DHRS4L2: variants seen among roughly 807,000 people sequenced by gnomAD.
DHRS4L2 encodes the protein dehydrogenase/reductase 4 like 2.
Under a neutral mutation model 23.9 loss-of-function variants are expected in DHRS4L2, and 22 were observed. The observed-to-expected ratio is 0.92, with a 90% CI of 0.66 to 1.31. The LOEUF is 1.31. Among genes scored for constraint, DHRS4L2 ranks in the 40% most tolerant of loss-of-function variants. The pLI is 0.00. For synonymous variants in DHRS4L2, 141 were observed against 123.7 expected (o/e 1.14, Z -0.93); for missense variants, 385 against 303.3 (o/e 1.27, Z -2.00).
At chr14:23,972,142 G>T (rs140555597) in intron 1 of DHRS4L2, among the ~76,000 whole-genome samples, 1 of 152,058 alleles carries the variant, frequency 6.6e-6, no homozygotes, top group African/African-American at 2.4e-5. Context: ...GAATTGGTGG[G>T]TTCTTGGTCT....
intron 1 of DHRS4L2, among the ~76,000 whole-genome samples, chr14:23,982,472 C>G (rs1458567136): frequency 6.6e-6 from 1 of 151,502 alleles, no homozygotes; most frequent in Non-Finnish European, 1.5e-5. Flanking sequence ...AGTCTGATCT[C>G]TCTTTCTTTT....
chr14:23,973,389 G>C (rs377220187), intron 1 of DHRS4L2, among the ~76,000 whole-genome samples: 1 of 151,866 alleles, frequency 6.6e-6, no homozygotes, highest in Admixed American at 6.6e-5. Flanking sequence ...CCTGCAATCT[G>C]AGGAAGCCAG....
chr14:23,995,186 A>G, intron 3 of DHRS4L2, 53 bp downstream of exon 3: 1 of 1,586,122 alleles, frequency 6.3e-7, no homozygotes, highest in South Asian at 1.1e-5. Context: ...CATTCAGCAC[A>G]AACTCCATCT....
intron 1 of DHRS4L2, among the ~76,000 whole-genome samples, chr14:23,971,524 G>C (rs1164366016): frequency 2.0e-5 from 3 of 151,996 alleles, no homozygotes; most frequent in Non-Finnish European, 4.4e-5. Flanking sequence ...CTTGAGAAGA[G>C]CAACCCCAAG....
At chr14:23,992,604 A>G (rs2138540551) in intron 2 of DHRS4L2, among the ~76,000 whole-genome samples, 1 of 151,488 alleles carries the variant, frequency 6.6e-6, no homozygotes, top group East Asian at 1.9e-4. Context: ...TTAAAAATGT[A>G]TAACTATCAG....
intron 7 of DHRS4L2, 143 bp from the exon 8 acceptor site, chr14:24,005,743 T>C (rs1467243488): frequency 1.1e-5 from 16 of 1,395,706 alleles, no homozygotes; most frequent in Non-Finnish European, 1.6e-5. Flanking sequence ...GGTAACCCTA[T>C]TTGATAGGCA....
chr14:23,988,848 G>C, upstream of DHRS4L2: 1 of 1,473,148 alleles, frequency 6.8e-7, no homozygotes, highest in Admixed American at 2.2e-5. Flanking sequence ...AGGGCGGGAA[G>C]GGGGCAGGCA....
chr14:23,970,352 G>T (rs1291722644), intron 1 of DHRS4L2: 65 of 411,272 alleles, frequency 1.6e-4, no homozygotes, highest in African/African-American at 1.5e-3. Flanking sequence ...AGAGGGCGGT[G>T]GGGGGCGGGG....
At chr14:23,983,036 C>T (rs1379382414) in intron 1 of DHRS4L2, among the ~76,000 whole-genome samples, 7 of 151,474 alleles carry the variant, frequency 4.6e-5, no homozygotes, top group African/African-American at 1.7e-4. Context: ...CAAATTGGAC[C>T]TGATTAAACT....
At chr14:23,989,180 C>T in intron 1 of DHRS4L2, 105 bp downstream of exon 1, 1 of 1,495,982 alleles carries the variant, frequency 6.7e-7, no homozygotes, top group Non-Finnish European at 8.9e-7. Flanking sequence ...TCACATACCG[C>T]CAAAGTCTGG....
Position 23,973,769 on chromosome 14 carries a change from C to T in DHRS4L2, c.-176+3437C>T, listed in dbSNP as rs1398879849. Among the ~76,000 whole-genome samples, 5 of 151,430 alleles carry T rather than the reference C, an allele frequency of 3.3e-5. No individual in the cohort carries two copies. The East Asian group carries it at 9.7e-4, about 29-fold the overall frequency. On this transcript the variant is annotated intron_variant, in intron 1 of 5. Transcript: ENST00000534993. ...CATAAAGCAAGTTCTTAGAGACCTA[C>T]AAAGAGGCTTAGACTCCCATACAAT...
chr14:23,983,980 A>G (rs1449007241), upstream of DHRS4L2, among the ~76,000 whole-genome samples: 1 of 151,560 alleles, frequency 6.6e-6, no homozygotes, highest in Non-Finnish European at 1.5e-5. Flanking sequence ...GTTTATACCT[A>G]TATAACAAAC....
chr14:23,995,541 G>C (rs918408819), intron 3 of DHRS4L2, among the ~76,000 whole-genome samples: 18 of 151,894 alleles, frequency 1.2e-4, no homozygotes, highest in African/African-American at 4.3e-4. Flanking sequence ...AATATTAAAT[G>C]CTGCTAGTTA....
chr14:23,979,037 G>A (rs1162216826), intron 1 of DHRS4L2, among the ~76,000 whole-genome samples: 1 of 140,082 alleles, frequency 7.1e-6, no homozygotes, highest in Non-Finnish European at 1.5e-5. Flanking sequence ...TCATTGTGCT[G>A]TATTCAAGAG....
chr14:23,970,064 T>C (rs1272979644), exon 1 of DHRS4L2: 4 of 456,294 alleles, frequency 8.8e-6, no homozygotes, highest in South Asian at 6.1e-5. Flanking sequence ...TGGCGGCGGC[T>C]CCTCTGCAGC....
intron 1 of DHRS4L2, among the ~76,000 whole-genome samples, chr14:23,982,183 C>A (rs972588684): frequency 6.6e-6 from 1 of 151,630 alleles, no homozygotes; most frequent in Admixed American, 6.6e-5. Flanking sequence ...GGCAGAGGTC[C>A]CTGCGGCTTT....
Position 23,993,388 on chromosome 14 carries a change from T to A in DHRS4L2, c.307-1644T>A, listed in dbSNP as rs192362695. ...TCCACTGTCTAGAAACAACTGAGCTTAGCACCTAGTTAACAAGAATAATTA... is the reference window on the plus strand; with the variant it reads ...TCCACTGTCTAGAAACAACTGAGCTAAGCACCTAGTTAACAAGAATAATTA... On this transcript the variant is annotated intron_variant, in intron 2 of 7. Transcript: ENST00000335125. Among the ~76,000 whole-genome samples, 94 of 151,860 alleles carry A rather than the reference T, an allele frequency of 6.2e-4. 2 individuals are homozygous for A. Among genetic ancestry groups the A allele is most frequent in the Admixed American group, 3.0e-3 (46 of 15,276 alleles).
chr14:23,989,644 A>G (rs2034225161), intron 1 of DHRS4L2, among the ~76,000 whole-genome samples: 2 of 151,646 alleles, frequency 1.3e-5, no homozygotes, highest in Non-Finnish European at 2.9e-5. Context: ...AGCTCTTCAC[A>G]AAACTAAAAT....
Position 24,005,797 on chromosome 14 carries a change from GATTAAGCAAATTTA to G in DHRS4L2, c.*23-87_*23-74del, listed in dbSNP as rs2034563375. 5 of 1,558,136 alleles carry G rather than the reference GATTAAGCAAATTTA, an allele frequency of 3.2e-6. No individual in the cohort carries two copies. In the South Asian group the frequency reaches 5.9e-5, roughly 18 times the overall value. ...CCTGAAAAGTCATCTGATAATTCTT[GATTAAGCAAATTTA>G]ACTCCCCGTGTCCCAGGTGAGGGAG... is the stretch of plus-strand genomic sequence containing the variant. On this transcript the variant is annotated intron_variant, in intron 7 of 7. Coordinates refer to ENST00000335125, the MANE Select transcript of DHRS4L2 (RefSeq NM_198083.4).
Sources: allele counts gnomAD v4.1 joint callset (sites outside exome capture counted in the v4.1 genomes callset), GRCh38; gene constraint gnomAD v4.1.1; transcripts MANE v1.5; gene names NCBI Gene and HGNC (gene_info 2026-07-23, HGNC 2026-07-21).